Variants in COPA observed in about 807,000 individuals in gnomAD.
The protein encoded by COPA is coatomer subunit alpha.
Under a neutral mutation model 158.7 loss-of-function variants are expected in COPA, and 10 were observed. That is an observed-to-expected ratio of 0.06 (90% confidence interval 0.04 to 0.11). COPA has a LOEUF of 0.11. Ranked by LOEUF, COPA falls within the 10% of genes least tolerant of loss-of-function variation. The pLI, the probability that COPA is intolerant of heterozygous loss-of-function variation, is 1.00. For missense variants in COPA, 1,065 were observed against 1,536.7 expected, an observed-to-expected ratio of 0.69 and a Z score of 5.13; for synonymous variants, 462 against 542.8, an observed-to-expected ratio of 0.85 and a Z score of 2.07.
intron 25 of COPA, 31 bp from the exon 26 acceptor site, chr1:160,293,494 T>C (rs79418075): frequency 5.4e-6 from 8 of 1,493,054 alleles, no homozygotes; most frequent in Non-Finnish European, 7.2e-6. Context: ...GAGTATTGAG[T>C]AATTTTTTTT....
intron 6 of COPA, among the ~76,000 whole-genome samples, chr1:160,331,478 C>A (rs1298544423): frequency 6.6e-6 from 1 of 151,776 alleles, no homozygotes. Flanking sequence ...CATGGTGAAA[C>A]CCTGTCTCTA....
chr1:160,320,465 C>A (rs1659294297), intron 8 of COPA, among the ~76,000 whole-genome samples: 1 of 151,646 alleles, frequency 6.6e-6, no homozygotes, highest in Admixed American at 6.6e-5. Context: ...TAAAAATTAG[C>A]TGGGTATGGT....
At chr1:160,322,084 C>T (rs1659347499) in intron 8 of COPA, among the ~76,000 whole-genome samples, 1 of 152,072 alleles carries the variant, frequency 6.6e-6, no homozygotes, top group Admixed American at 6.6e-5. Context: ...ATATCAAAGA[C>T]ATTCTTCACA....
chr1:160,299,261 G>A lies in COPA; in HGVS notation c.1671C>T (p.Asp557=). 1 of 1,611,060 alleles carries A rather than the reference G, an allele frequency of 6.2e-7. No homozygotes were observed. The highest frequency in any genetic ancestry group is 8.5e-7 in the Non-Finnish European group (1 of 1,177,490). The part of the protein sequence containing the change: ...NHIKYAVTTG[D]HGIIRTLDLP... ...AATCCAGAGTTCGAATGATCCCGTGGTCCCTAAGAACAGAGGGCACAGCTT... is the reference window on the plus strand; with the variant it reads ...AATCCAGAGTTCGAATGATCCCGTGATCCCTAAGAACAGAGGGCACAGCTT... Residue 557 remains aspartate, a synonymous_variant, in exon 18 of 33, where the codon GAC becomes GAT. Transcript: ENST00000241704.
At chr1:160,292,361 C>A in intron 28 of COPA, 123 bp downstream of exon 28, 5 of 1,577,552 alleles carry the variant, frequency 3.2e-6, no homozygotes, top group Non-Finnish European at 4.3e-6. Flanking sequence ...AGTAACAAAC[C>A]AAAGATCTTT....
chr1:160,295,031 T>C (rs1278787501), intron 23 of COPA, among the ~76,000 whole-genome samples, 174 bp from the exon 24 acceptor site: 1 of 152,236 alleles, frequency 6.6e-6, no homozygotes, highest in Non-Finnish European at 1.5e-5. Context: ...TAACTTGCAG[T>C]AGCTTTCACA....
At chr1:160,315,190 C>T (rs1488680478) in intron 8 of COPA, among the ~76,000 whole-genome samples, 1 of 152,184 alleles carries the variant, frequency 6.6e-6, no homozygotes, top group Non-Finnish European at 1.5e-5. Flanking sequence ...ATGGTTTCTA[C>T]ACTGGAAAAA....
chr1:160,292,357 A>G (rs1345283082), intron 28 of COPA, 127 bp downstream of exon 28: 2 of 1,576,246 alleles, frequency 1.3e-6, no homozygotes, highest in Non-Finnish European at 1.7e-6. Flanking sequence ...ATAGAGTAAC[A>G]AACCAAAGAT....
rs1263191116 is a variant in COPA at position 160,297,606 on chromosome 1, A to G, written c.2117T>C (p.Leu706Pro). The change falls in exon 20 of 33, where the codon CTG becomes CCG. Residue 706 changes from leucine (L) to proline (P), a missense_variant. Physicochemically the swap from Leu to Pro is moderately conservative, Grantham distance 98. Around this residue, in one of 2 missense-constraint regions of COPA, gnomAD observed 980 missense variants for 1,357.8 expected, o/e 0.72. Transcript: ENST00000241704. ...RTKNFDKLSF[L>P]YLITGNLEKL... ...TTCTAAGTTGCCAGTGATAAGATAC[A>G]GGAAGGAAAGTTTGTCAAAGTTTTT... The G allele has an allele frequency of 6.2e-7, 1 of 1,614,206 alleles. No homozygotes were observed. Among genetic ancestry groups the G allele is most frequent in the Non-Finnish European group, 8.5e-7 (1 of 1,180,026 alleles).
At position 160,292,507 on chromosome 1, in the gene COPA, C is replaced by T; in HGVS notation, c.2937G>A (p.Met979Ile). 6.2e-7 allele frequency: 1 copy of T among 1,613,682 alleles called. No individual in the cohort carries two copies. The highest frequency in any genetic ancestry group is 8.5e-7 in the Non-Finnish European group (1 of 1,179,870). ...TYQALPCLPS[M>I]YGYPNRNWKD... ...ACCAGTTGCGATTAGGATAGCCATA[C>T]ATGGAGGGTAGGCAGGGCAGAGCCT... is the stretch of plus-strand genomic sequence containing the variant. Residue 979 changes from methionine (M) to isoleucine (I), a missense_variant, in exon 28 of 33, where the codon ATG becomes ATA. Physicochemically the swap from Met to Ile is conservative, Grantham distance 10 (BLOSUM62 1). Transcript: ENST00000241704.
chr1:160,318,480 AAAAAAAAAAAAC>A (rs545433839), intron 8 of COPA, among the ~76,000 whole-genome samples: 5,984 of 64,062 alleles, frequency 0.093, 201 homozygotes, highest in Non-Finnish European at 0.12. Flanking sequence ...AAAAAAAAAA[AAAAAAAAAAAAC>A]AAAAAAAAAA....
chr1:160,292,407 AC>A (rs1177462191), intron 28 of COPA, 76 bp downstream of exon 28: 1 of 1,602,810 alleles, frequency 6.2e-7, no homozygotes, highest in Non-Finnish European at 8.5e-7. Context: ...GAGAATTCTG[AC>A]TATGTCACTG....
intron 6 of COPA, among the ~76,000 whole-genome samples, chr1:160,330,406 C>G (rs1557874262): frequency 1.3e-5 from 2 of 152,194 alleles, no homozygotes; most frequent in Non-Finnish European, 2.9e-5. Flanking sequence ...TGATGAAAAA[C>G]TGCAATGGCA....
At chr1:160,320,461 T>G (rs1351446157) in intron 8 of COPA, among the ~76,000 whole-genome samples, 1 of 151,332 alleles carries the variant, frequency 6.6e-6, no homozygotes, top group Non-Finnish European at 1.5e-5. Context: ...AACATAAAAA[T>G]TAGCTGGGTA....
chr1:160,302,549 CTTTTTTTTTTTTT>C (rs35112618), intron 17 of COPA, among the ~76,000 whole-genome samples: 6 of 91,690 alleles, frequency 6.5e-5, no homozygotes, highest in African/African-American at 2.6e-4. Context: ...TCACAAGTTA[CTTTTTTTTTTTTT>C]TTTTTTTTTT....
chr1:160,304,909 C>T (rs1484275436), intron 17 of COPA, among the ~76,000 whole-genome samples: 1 of 152,082 alleles, frequency 6.6e-6, no homozygotes, highest in Non-Finnish European at 1.5e-5. Context: ...AAAATAAATA[C>T]ATTGGAGCTA....
intron 7 of COPA, among the ~76,000 whole-genome samples, chr1:160,325,228 C>T (rs886225819): frequency 2.6e-5 from 4 of 152,148 alleles, no homozygotes; most frequent in Non-Finnish European, 5.9e-5. Context: ...TCGATAACTC[C>T]GATTAAATTT....
intron 7 of COPA, among the ~76,000 whole-genome samples, chr1:160,324,413 C>T (rs914385258): frequency 5.3e-5 from 8 of 149,928 alleles, no homozygotes; most frequent in African/African-American, 9.8e-5. Context: ...TCTCCTACCT[C>T]GGCCTCCCAA....
intron 8 of COPA, among the ~76,000 whole-genome samples, chr1:160,318,922 A>G (rs1271655796): frequency 6.6e-6 from 1 of 152,146 alleles, no homozygotes; most frequent in African/African-American, 2.4e-5. Context: ...ATATTACCAA[A>G]GAAAATCACT....
Sources: allele counts gnomAD v4.1 joint callset (sites outside exome capture counted in the v4.1 genomes callset), GRCh38; gene constraint gnomAD v4.1.1; regional missense constraint gnomAD v4.1.1; transcripts MANE v1.5; gene names NCBI Gene and HGNC (gene_info 2026-07-23, HGNC 2026-07-21).